The following KIAA1217 variants were observed in gnomAD, a reference collection of about 807,000 sequenced individuals.
KIAA1217 encodes sickle tail protein homolog.
Under a neutral mutation model 163.9 loss-of-function variants are expected in KIAA1217, and 88 were observed. That is an observed-to-expected ratio of 0.54 (90% CI 0.45 to 0.64). The LOEUF (loss-of-function observed/expected upper bound fraction) is 0.64. Among genes scored for constraint, KIAA1217 ranks in the 30% least tolerant of loss-of-function variants. The pLI is 0.00. For missense variants in KIAA1217, 2,372 were observed against 2,475.0 expected, an observed-to-expected ratio of 0.96 and a Z score of 0.88; for synonymous variants, 903 against 923.1, an observed-to-expected ratio of 0.98 and a Z score of 0.39.
chr10:23,788,620 A>G (rs965904507), intron 1 of KIAA1217, among the ~76,000 whole-genome samples: 11 of 152,138 alleles, frequency 7.2e-5, no homozygotes, highest in African/African-American at 2.7e-4. Context: ...ATGGCAAATG[A>G]TTTGCTTTCT....
intron 1 of KIAA1217, among the ~76,000 whole-genome samples, chr10:23,788,496 A>C (rs148489823): frequency 6.6e-6 from 1 of 152,308 alleles, no homozygotes; most frequent in African/African-American, 2.4e-5. Flanking sequence ...GTTTCCAAAA[A>C]AGGCTTGGTA....
At chr10:24,182,437 AT>A (rs2066220375) in intron 2 of KIAA1217, among the ~76,000 whole-genome samples, 40 of 108,678 alleles carry the variant, frequency 3.7e-4, no homozygotes, top group South Asian at 7.2e-4. Context: ...GCAAGACTCC[AT>A]CACACACACA....
intron 2 of KIAA1217, among the ~76,000 whole-genome samples, chr10:24,351,277 T>G (rs1320503905): frequency 2.0e-5 from 3 of 152,200 alleles, no homozygotes; most frequent in Non-Finnish European, 2.9e-5. Context: ...AACGAATTTT[T>G]GGGGTCTAAC....
At chr10:23,807,629 G>T (rs1165124504) in intron 1 of KIAA1217, among the ~76,000 whole-genome samples, 1 of 152,242 alleles carries the variant, frequency 6.6e-6, no homozygotes, top group Non-Finnish European at 1.5e-5. Context: ...AGAAGGATAG[G>T]ATGAATATGG....
At chr10:24,456,962 G>T (rs537376862) in intron 5 of KIAA1217, among the ~76,000 whole-genome samples, 1 of 151,696 alleles carries the variant, frequency 6.6e-6, no homozygotes, top group Non-Finnish European at 1.5e-5. Context: ...TGGGCCTCCC[G>T]AAGTGCTGGG....
intron 1 of KIAA1217, among the ~76,000 whole-genome samples, chr10:23,893,456 T>G (rs566959479): frequency 0.01 from 1,532 of 152,166 alleles, 8 homozygotes; most frequent in Non-Finnish European, 0.015. Context: ...CTGGATTCTT[T>G]AATTTTTTGA....
chr10:23,961,977 T>A (rs56755548), intron 1 of KIAA1217, among the ~76,000 whole-genome samples: 2 of 152,192 alleles, frequency 1.3e-5, no homozygotes, highest in Non-Finnish European at 2.9e-5. Context: ...TTCACCCTAA[T>A]GATCTCATTT....
rs577860806 is a variant in KIAA1217 at position 23,775,465 on chromosome 10, T to G, written c.-321+80231T>G. Among the ~76,000 whole-genome samples the G allele has an allele frequency of 2.1e-4, 32 of 152,090 alleles. No homozygotes were observed. In the South Asian group the frequency reaches 4.0e-3, roughly 19 times the overall value. Reference sequence around the variant, plus strand: ...AGTTTCAGGTACCCTAAGTTGGAGGTGTCTCTTAAGACACCCAGGTGCCAG... The same window carrying G: ...AGTTTCAGGTACCCTAAGTTGGAGGGGTCTCTTAAGACACCCAGGTGCCAG... On this transcript the variant is annotated intron_variant, in intron 1 of 18. Coordinates refer to the KIAA1217 transcript ENST00000376462.
intron 2 of KIAA1217, among the ~76,000 whole-genome samples, chr10:24,039,979 C>G (rs1848564011): frequency 6.6e-6 from 1 of 152,140 alleles, no homozygotes; most frequent in Non-Finnish European, 1.5e-5. Flanking sequence ...CACTGGCTCT[C>G]CCAGAGAAGG....
Position 23,904,293 on chromosome 10 carries a change from T to G in KIAA1217, c.-320-102932T>G, listed in dbSNP as rs1842064127. On this transcript the variant is annotated intron_variant, in intron 1 of 18. Transcript: ENST00000376462. The stretch of plus-strand genomic sequence containing the variant: ...AATGAAATGACAAGACTGAGCTGCT[T>G]TAGCTGTAGTCTTCTCTTATGCATA... Among the ~76,000 whole-genome samples, 7 of 152,168 alleles carry G rather than the reference T, an allele frequency of 4.6e-5. 1 individual carries two copies. Among genetic ancestry groups the G allele is most frequent in the Admixed American group, 4.6e-4 (7 of 15,272 alleles).
chr10:24,365,265 G>C (rs2050615931), intron 2 of KIAA1217, among the ~76,000 whole-genome samples: 1 of 152,132 alleles, frequency 6.6e-6, no homozygotes. Flanking sequence ...CCTCCTGGCA[G>C]ACTCACTGGG....
At chr10:24,107,099 G>T (rs2062661564) in intron 2 of KIAA1217, among the ~76,000 whole-genome samples, 1 of 152,128 alleles carries the variant, frequency 6.6e-6, no homozygotes, top group Non-Finnish European at 1.5e-5. Flanking sequence ...TGTGCACTCA[G>T]TGTTTAGCTC....
intron 3 of KIAA1217, among the ~76,000 whole-genome samples, chr10:24,383,829 C>T (rs2053637814): frequency 6.6e-6 from 1 of 152,176 alleles, no homozygotes; most frequent in South Asian, 2.1e-4. Context: ...CCCCCAGCCG[C>T]ACCTGGCCCT....
At chr10:24,426,307 C>T (rs1247033458) in intron 3 of KIAA1217, among the ~76,000 whole-genome samples, 2 of 152,088 alleles carry the variant, frequency 1.3e-5, no homozygotes, top group African/African-American at 4.8e-5. Context: ...CTGTATACAA[C>T]AAACCATAAT....
intron 1 of KIAA1217, among the ~76,000 whole-genome samples, chr10:23,865,449 A>ATT: frequency 6.6e-6 from 1 of 152,032 alleles, no homozygotes; most frequent in Non-Finnish European, 1.5e-5. Context: ...GTTTTTTCTT[A>ATT]TCAATTTTTG....
chr10:23,874,993 A>G (rs1725959111), intron 1 of KIAA1217, among the ~76,000 whole-genome samples: 1 of 152,140 alleles, frequency 6.6e-6, no homozygotes, highest in Admixed American at 6.5e-5. Context: ...GAGCTGCCAT[A>G]TCACATGGCA....
intron 3 of KIAA1217, among the ~76,000 whole-genome samples, chr10:24,389,866 C>A (rs148917526): frequency 6.6e-6 from 1 of 152,036 alleles, no homozygotes; most frequent in East Asian, 1.9e-4. Flanking sequence ...GCTCCCAGGG[C>A]ACGGCCACCA....
chr10:24,421,720 C>T (rs1485674059), intron 3 of KIAA1217, among the ~76,000 whole-genome samples: 1 of 152,230 alleles, frequency 6.6e-6, no homozygotes, highest in East Asian at 1.9e-4. Flanking sequence ...ATTTAGCTGA[C>T]TCTGTTAAGA....
intron 1 of KIAA1217, among the ~76,000 whole-genome samples, chr10:23,718,635 TAA>T (rs776088813): frequency 7.0e-6 from 1 of 141,948 alleles, no homozygotes; most frequent in African/African-American, 2.6e-5. Flanking sequence ...AAGGAAAAAC[TAA>T]AAAAAAAAAA....
Sources: gnomAD v4.1 joint callset for allele counts (sites outside exome capture counted in the v4.1 genomes callset) on GRCh38, gnomAD v4.1.1 for gene constraint, MANE v1.5 for transcripts, NCBI Gene and HGNC (gene_info 2026-07-23, HGNC 2026-07-21) for gene names.